The following CUX2 variants were observed in gnomAD, a reference collection of about 807,000 sequenced individuals.
The protein encoded by CUX2 is cut like homeobox 2.
A neutral mutation model predicts 144.8 loss-of-function variants in CUX2; 40 were observed. That is an observed-to-expected ratio of 0.28 (90% CI 0.21 to 0.36). The LOEUF (loss-of-function observed/expected upper bound fraction) is 0.36, where lower values mean the gene tolerates loss of function less well. CUX2 is among the 10% of genes least tolerant of loss of function. CUX2 has a pLI of 1.00. For missense variants in CUX2, 1,615 were observed against 1,994.0 expected (o/e 0.81, Z 3.62); for synonymous variants, 827 against 875.6 (o/e 0.94, Z 0.98).
chr12:111,137,618 G>A (rs1015230503), intron 1 of CUX2, among the ~76,000 whole-genome samples: 1 of 152,018 alleles, frequency 6.6e-6, no homozygotes, highest in African/African-American at 2.4e-5. Flanking sequence ...GGCTCAGGTG[G>A]TTCTCCCACC....
chr12:111,347,933 G>A lies in CUX2; in HGVS notation c.4069G>A (p.Asp1357Asn). 6.2e-7 allele frequency: 1 copy of A among 1,614,120 alleles called. No homozygotes were observed. The highest frequency in any genetic ancestry group is 8.5e-7 in the Non-Finnish European group (1 of 1,180,020). ...CCTCCTTCCAGGTGGATCCACCCCAGACTGTCCCTCACTTCATCCCCAACA... is the reference window on the plus strand; with the variant it reads ...CCTCCTTCCAGGTGGATCCACCCCAAACTGTCCCTCACTTCATCCCCAACA... The part of the protein sequence containing the change: ...GPLLPGGSTP[D>N]CPSLHPQQES... Residue 1357 changes from aspartate (D) to asparagine (N), a missense_variant, in exon 22 of 22, where the codon GAC becomes AAC. Asp to Asn is a conservative substitution (Grantham distance 23, BLOSUM62 1). Coordinates refer to ENST00000261726, the MANE Select transcript of CUX2 (RefSeq NM_015267.4).
At chr12:111,250,118 G>A (rs1883492722) in intron 3 of CUX2, among the ~76,000 whole-genome samples, 1 of 152,126 alleles carries the variant, frequency 6.6e-6, no homozygotes, top group African/African-American at 2.4e-5. Context: ...CTGACAAAGA[G>A]CTCCTGGTGG....
rs1052497484 is a variant in CUX2 at position 111,186,497 on chromosome 12, G to A, written c.64-27703G>A. Among the ~76,000 whole-genome samples the A allele has an allele frequency of 6.6e-6, 1 of 152,206 alleles. No individual in the cohort carries two copies. Among genetic ancestry groups the A allele is most frequent in the Admixed American group, 6.5e-5 (1 of 15,282 alleles). On this transcript the variant is annotated intron_variant, in intron 1 of 21. Coordinates refer to ENST00000261726, the MANE Select transcript of CUX2 (RefSeq NM_015267.4). The surrounding 1 kb of genome is among the most constrained non-coding windows in gnomAD (Gnocchi z 4.4). ...GGGCACACGCGCAGGTCCTGAGGTCGGGTGGGGAAGAGGGAACTGAGCACA... is the reference window on the plus strand; with the variant it reads ...GGGCACACGCGCAGGTCCTGAGGTCAGGTGGGGAAGAGGGAACTGAGCACA...
intron 4 of CUX2, among the ~76,000 whole-genome samples, chr12:111,269,551 C>T (rs956626723): frequency 2.3e-4 from 35 of 152,272 alleles, no homozygotes; most frequent in African/African-American, 8.4e-4. Flanking sequence ...CATAGCCTGT[C>T]ATCACAGTCA....
At chr12:111,236,521 G>A (rs1450379384) in intron 3 of CUX2, among the ~76,000 whole-genome samples, 2 of 152,144 alleles carry the variant, frequency 1.3e-5, no homozygotes, top group African/African-American at 4.8e-5. Flanking sequence ...CTGCTTGCAA[G>A]GTGGATAATC....
intron 1 of CUX2, among the ~76,000 whole-genome samples, chr12:111,065,141 G>T (rs1023587092): frequency 2.0e-5 from 3 of 152,204 alleles, no homozygotes; most frequent in Non-Finnish European, 4.4e-5. Context: ...ATGTGACCAG[G>T]ATTGACCTTA....
intron 1 of CUX2, among the ~76,000 whole-genome samples, chr12:111,047,052 G>A (rs1320442561): frequency 6.6e-6 from 1 of 152,244 alleles, no homozygotes; most frequent in African/African-American, 2.4e-5. Context: ...CATGGGTCAG[G>A]GGAAGGTGAG....
At chr12:111,073,651 A>G (rs555524757) in intron 1 of CUX2, among the ~76,000 whole-genome samples, 1 of 152,152 alleles carries the variant, frequency 6.6e-6, no homozygotes, top group East Asian at 1.9e-4. Flanking sequence ...CATCTCCCAA[A>G]TTGTAACAAT....
intron 18 of CUX2, among the ~76,000 whole-genome samples, chr12:111,333,477 C>T (rs547066507): frequency 1.3e-5 from 2 of 152,250 alleles, no homozygotes; most frequent in Non-Finnish European, 2.9e-5. Flanking sequence ...GTTTTGATTT[C>T]GACAGTTCTG....
intron 1 of CUX2, among the ~76,000 whole-genome samples, chr12:111,148,180 T>C (rs1365392298): frequency 6.6e-6 from 1 of 152,034 alleles, no homozygotes; most frequent in Non-Finnish European, 1.5e-5. Flanking sequence ...ATCCATACAG[T>C]GGAATACTAT....
chr12:111,056,758 G>T (rs1259833064), intron 1 of CUX2, among the ~76,000 whole-genome samples: 1 of 152,226 alleles, frequency 6.6e-6, no homozygotes, highest in Non-Finnish European at 1.5e-5. Context: ...GGTGGCGAGG[G>T]ATATTATGGC....
At chr12:111,169,705 C>T (rs1448337909) in intron 1 of CUX2, among the ~76,000 whole-genome samples, 5 of 152,212 alleles carry the variant, frequency 3.3e-5, no homozygotes, top group Admixed American at 1.3e-4. Flanking sequence ...GGTCTTAAAA[C>T]GCCCATTAGT....
intron 16 of CUX2, among the ~76,000 whole-genome samples, chr12:111,319,566 G>A (rs1009348470): frequency 1.3e-5 from 2 of 152,102 alleles, no homozygotes; most frequent in Non-Finnish European, 2.9e-5. Context: ...GCAAAACCCT[G>A]TCTCTACTAA....
intron 1 of CUX2, among the ~76,000 whole-genome samples, chr12:111,091,045 G>T (rs1872525990): frequency 6.6e-6 from 1 of 152,182 alleles, no homozygotes; most frequent in Non-Finnish European, 1.5e-5. Flanking sequence ...TCTGTGCCCG[G>T]CTGCGCCGTG....
At chr12:111,318,245 C>CTTTTTTT (rs541676829) in intron 16 of CUX2, among the ~76,000 whole-genome samples, 5 of 78,878 alleles carry the variant, frequency 6.3e-5, no homozygotes, top group Admixed American at 1.4e-4. Context: ...TTTCTTTTTT[C>CTTTTTTT]TTTTTTTTTT....
At chr12:111,237,441 C>A (rs1233495745) in intron 3 of CUX2, among the ~76,000 whole-genome samples, 1 of 152,196 alleles carries the variant, frequency 6.6e-6, no homozygotes, top group African/African-American at 2.4e-5. Flanking sequence ...TCACCTGGGC[C>A]TCCTGAATGA....
At chr12:111,167,148 C>T (rs912794282) in intron 1 of CUX2, among the ~76,000 whole-genome samples, 2 of 152,140 alleles carry the variant, frequency 1.3e-5, no homozygotes, top group Non-Finnish European at 2.9e-5. Flanking sequence ...TCTTGCTATC[C>T]CTTGGCCTCT....
At chr12:111,226,386 T>C (rs1882144769) in intron 3 of CUX2, among the ~76,000 whole-genome samples, 1 of 152,166 alleles carries the variant, frequency 6.6e-6, no homozygotes, top group Admixed American at 6.5e-5. Context: ...TGAACATCCT[T>C]CCGAATTTAA....
chr12:111,318,905 T>G (rs146911672), intron 16 of CUX2, among the ~76,000 whole-genome samples: 19 of 151,722 alleles, frequency 1.3e-4, no homozygotes, highest in African/African-American at 4.6e-4. Context: ...ACTCAGACAA[T>G]TTGACTGCCT....
Sources: gnomAD v4.1 joint callset for allele counts (sites outside exome capture counted in the v4.1 genomes callset) on GRCh38, gnomAD v4.1.1 for gene constraint, Gnocchi (gnomAD v3.1) non-coding constraint, MANE v1.5 for transcripts, NCBI Gene and HGNC (gene_info 2026-07-23, HGNC 2026-07-21) for gene names.